Variants in NGLY1 observed in about 807,000 individuals in gnomAD.
NGLY1 encodes peptide-N(4)-(N-acetyl-beta-glucosaminyl)asparagine amidase.
Under a neutral mutation model 84.6 loss-of-function variants are expected in NGLY1, and 68 were observed. That is an observed-to-expected ratio of 0.80 (90% CI 0.66 to 0.98). The LOEUF is 0.98. NGLY1 is among the 50% of genes least tolerant of loss of function. NGLY1 has a pLI of 0.00. For synonymous variants in NGLY1, 280 were observed against 275.2 expected, an observed-to-expected ratio of 1.02 and a Z score of -0.17; for missense variants, 779 against 770.2, an observed-to-expected ratio of 1.01 and a Z score of -0.14.
intron 2 of NGLY1, among the ~76,000 whole-genome samples, chr3:25,772,662 G>A (rs1172486690): frequency 6.6e-6 from 1 of 151,394 alleles, no homozygotes; most frequent in South Asian, 2.1e-4. Context: ...TACTATTCTA[G>A]TGATCATGCT....
At chr3:25,725,917 T>C (rs1382286958) in intron 10 of NGLY1, among the ~76,000 whole-genome samples, 1 of 152,214 alleles carries the variant, frequency 6.6e-6, no homozygotes, top group Non-Finnish European at 1.5e-5. Flanking sequence ...TCTAAACAGT[T>C]GACCCACATG....
intron 3 of NGLY1, among the ~76,000 whole-genome samples, chr3:25,754,501 T>C (rs1575638847): frequency 1.3e-5 from 2 of 152,190 alleles, no homozygotes; most frequent in African/African-American, 4.8e-5. Context: ...TGATAAGCCA[T>C]TAAAGAGACT....
At chr3:25,737,927 G>T (rs947195540) in intron 5 of NGLY1, among the ~76,000 whole-genome samples, 5 of 152,258 alleles carry the variant, frequency 3.3e-5, no homozygotes, top group Middle Eastern at 6.8e-3. Context: ...ATAATTAAAC[G>T]GTAGTACTGC....
chr3:25,757,059 A>T (rs1383487790), intron 3 of NGLY1, among the ~76,000 whole-genome samples: 1 of 152,178 alleles, frequency 6.6e-6, no homozygotes, highest in African/African-American at 2.4e-5. Context: ...ATTTATAGCC[A>T]AGGATCCTCA....
chr3:25,722,099 T>G (rs1705023914), intron 10 of NGLY1, among the ~76,000 whole-genome samples: 1 of 151,650 alleles, frequency 6.6e-6, no homozygotes, highest in East Asian at 1.9e-4. Context: ...ACACTTGTAA[T>G]CCCAGCTACT....
exon 1 of NGLY1, chr3:25,789,932 C>T: frequency 1.9e-6 from 3 of 1,544,412 alleles, no homozygotes; most frequent in Non-Finnish European, 2.6e-6. Flanking sequence ...TCTCTGCTCA[C>T]GCAAACAGCT....
In NGLY1 at chr3:25,755,283, G is replaced by C. The variant is rs1706982302; in HGVS notation, c.493-4020C>G. On this transcript the variant is annotated intron_variant, in intron 3 of 11. Transcript: ENST00000280700. ...CCTAGACTCCCACCTGATAGATACT[G>C]CTTAACAGCTCCAAACTATAGGCTG... The C allele has an allele frequency of 3.7e-6, 5 of 1,365,480 alleles. No homozygotes were observed. The South Asian group carries it at 5.8e-5, about 16-fold the overall frequency. 84.6% of individuals were successfully genotyped at this position (1,365,480 alleles called of 1,614,324 possible). A position where few individuals can be genotyped will look rare whatever the true frequency, so the allele number is the denominator to read the frequency against.
intron 7 of NGLY1, 40 bp from the exon 8 acceptor site, chr3:25,734,022 C>T (rs372141867): frequency 2.5e-6 from 4 of 1,600,770 alleles, no homozygotes; most frequent in Admixed American, 3.4e-5. Flanking sequence ...AACAAGATTA[C>T]AACCATCAAC....
chr3:25,722,272 C>CAT lies in NGLY1; in HGVS notation c.1612-2082_1612-2081insAT, dbSNP rs1308204639. Among the ~76,000 whole-genome samples, 640 of 67,268 alleles carry CAT rather than the reference C, an allele frequency of 9.5e-3. 7 individuals are homozygous for CAT. The highest frequency in any genetic ancestry group is 0.017 in the African/African-American group (614 of 35,818). The allele number at this position is 67,268 out of a possible 152,430, so 44.1% of individuals were successfully genotyped here. On this transcript the variant is annotated intron_variant, in intron 10 of 11. Transcript: ENST00000280700. The stretch of plus-strand genomic sequence containing the variant: ...AAATATTATTAAAGATCTGTATACA[C>CAT]ACATATATATATATATATATTCATG...
chr3:25,764,733 A>G (rs968902302), intron 2 of NGLY1, among the ~76,000 whole-genome samples: 1 of 152,174 alleles, frequency 6.6e-6, no homozygotes, highest in Non-Finnish European at 1.5e-5. Context: ...CAGCCACACA[A>G]AAGAATCCAG....
At chr3:25,741,673 T>A (rs1241907509) in intron 4 of NGLY1, among the ~76,000 whole-genome samples, 1 of 151,932 alleles carries the variant, frequency 6.6e-6, no homozygotes, top group African/African-American at 2.4e-5. Context: ...GGAGGAAAAA[T>A]TTGTAACATG....
intron 9 of NGLY1, 119 bp from the exon 10 acceptor site, chr3:25,729,437 C>A: frequency 2.0e-6 from 1 of 512,638 alleles, no homozygotes; most frequent in South Asian, 8.7e-5. Flanking sequence ...AAAATTAGTG[C>A]CATTGGAAAA....
At position 25,737,375 on chromosome 3, in the gene NGLY1, C is replaced by G. The variant is rs751720023; in HGVS notation, c.962G>C (p.Arg321Pro). 1 of 1,613,820 alleles carries G rather than the reference C, an allele frequency of 6.2e-7. No homozygotes were observed. Among genetic ancestry groups the G allele is most frequent in the Non-Finnish European group, 8.5e-7 (1 of 1,179,938 alleles). The change falls in exon 6 of 12, where the codon CGA (arginine) becomes CCA (proline). Residue 321 changes from arginine to proline, a missense_variant. Physicochemically the swap from Arg to Pro is moderately radical, Grantham distance 103. Coordinates refer to ENST00000280700, the MANE Select transcript of NGLY1 (RefSeq NM_018297.4). The stretch of plus-strand genomic sequence containing the variant: ...ATAGCGAGCTTCAAACCCTACAGCT[C>G]GGCAGCACAGTGTAAAACAATTGGC... Reference protein sequence around the residue: ...EWANCFTLCCRAVGFEARYVW... With the variant: ...EWANCFTLCCPAVGFEARYVW...
chr3:25,789,781 G>T, intron 1 of NGLY1: 2 of 1,417,986 alleles, frequency 1.4e-6, no homozygotes, highest in East Asian at 2.5e-5. Flanking sequence ...ATACGATGGT[G>T]TCCCTTCTCC....
rs1260414879 is a variant in NGLY1, at chr3:25,733,956, G to C, written c.1176C>G (p.Ser392=). Residue 392 remains serine (S), a synonymous_variant, in exon 8 of 12, where the codon TCC becomes TCG. Transcript: ENST00000280700. The part of the protein sequence containing the change: ...DEVVDVTWRY[S]CKHEEVIARR... ...TGGCAATCACCTCTTCATGTTTGCA[G>C]GAATATCGCCAAGTGACATCAACTA... 3.1e-6 allele frequency: 5 copies of C among 1,613,410 alleles called. No homozygotes were observed. Among genetic ancestry groups the C allele is most frequent in the Non-Finnish European group, 4.2e-6 (5 of 1,179,712 alleles).
At chr3:25,790,000 G>C (rs918817635) in exon 1 of NGLY1, 51 of 1,103,838 alleles carry the variant, frequency 4.6e-5, no homozygotes, top group Non-Finnish European at 6.2e-5. Context: ...AAAGTCAACC[G>C]GCGGAAAGAG....
intron 4 of NGLY1, chr3:25,749,428 G>C: frequency 1.0e-6 from 1 of 957,884 alleles, no homozygotes; most frequent in East Asian, 2.4e-5. Context: ...TAAAAAGGAA[G>C]GAAGCTCTCT....
upstream of NGLY1, among the ~76,000 whole-genome samples, chr3:25,786,342 G>A (rs755453790): frequency 6.0e-5 from 9 of 151,138 alleles, no homozygotes; most frequent in African/African-American, 9.7e-5. Context: ...AAAGAATAGC[G>A]CCATGATATG....
intron 2 of NGLY1, among the ~76,000 whole-genome samples, chr3:25,771,059 C>G (rs1430704811): frequency 1.3e-5 from 2 of 152,168 alleles, no homozygotes; most frequent in Admixed American, 1.3e-4. Context: ...TAAGCTCCAT[C>G]TATTTATCTT....
Sources: gnomAD v4.1 joint callset for allele counts (sites outside exome capture counted in the v4.1 genomes callset) on GRCh38, gnomAD v4.1.1 for gene constraint, MANE v1.5 for transcripts, NCBI Gene and HGNC (gene_info 2026-07-23, HGNC 2026-07-21) for gene names.